The following GRB14 variants were observed in gnomAD, a reference collection of about 807,000 sequenced individuals.
GRB14 encodes growth factor receptor bound protein 14.
GRB14 carries 38 observed loss-of-function variants against 69.1 expected under a neutral mutation model. The ratio of observed to expected loss-of-function variants is 0.55; its 90% CI spans 0.42 to 0.72. The LOEUF (loss-of-function observed/expected upper bound fraction) is 0.72. Among genes scored for constraint, GRB14 ranks in the 30% least tolerant of loss-of-function variants. The probability of loss-of-function intolerance (pLI) is 0.00; values close to 1 mark genes in which losing one functional copy is unlikely to be tolerated. For synonymous variants in GRB14, 247 were observed against 241.3 expected, an observed-to-expected ratio of 1.02 and a Z score of -0.22; for missense variants, 666 against 666.1, an observed-to-expected ratio of 1.00 and a Z score of 0.00.
chr2:164,577,929 G>A (rs932771466), intron 2 of GRB14, among the ~76,000 whole-genome samples: 1 of 152,164 alleles, frequency 6.6e-6, no homozygotes, highest in Non-Finnish European at 1.5e-5. Flanking sequence ...TATGTTAGAA[G>A]AAATAACTCA....
chr2:164,558,375 A>T (rs1688734260), intron 2 of GRB14, among the ~76,000 whole-genome samples: 1 of 152,258 alleles, frequency 6.6e-6, no homozygotes, highest in South Asian at 2.1e-4. Context: ...TATAAAAGAA[A>T]GCAAACATTA....
chr2:164,591,453 G>A (rs1187456879), intron 2 of GRB14, among the ~76,000 whole-genome samples: 1 of 152,096 alleles, frequency 6.6e-6, no homozygotes, highest in African/African-American at 2.4e-5. Flanking sequence ...TCAGGCCCAG[G>A]GTGCCTTAAT....
chr2:164,543,593 A>G (rs994682147), intron 3 of GRB14, among the ~76,000 whole-genome samples: 7 of 152,218 alleles, frequency 4.6e-5, no homozygotes, highest in Non-Finnish European at 1.0e-4. Context: ...GTTCTGGAAA[A>G]TAGTTCATCC....
intron 2 of GRB14, among the ~76,000 whole-genome samples, chr2:164,549,360 T>C (rs1688467103): frequency 6.6e-6 from 1 of 152,236 alleles, no homozygotes; most frequent in African/African-American, 2.4e-5. Flanking sequence ...TCAGCAAAGA[T>C]TAATCAGTTA....
At chr2:164,610,273 C>G (rs1049300492) in intron 2 of GRB14, among the ~76,000 whole-genome samples, 1 of 152,156 alleles carries the variant, frequency 6.6e-6, no homozygotes, top group Admixed American at 6.5e-5. Context: ...ATACTATAAA[C>G]CTAACTAATA....
intron 6 of GRB14, among the ~76,000 whole-genome samples, chr2:164,519,174 T>C (rs1687570075): frequency 6.6e-6 from 1 of 152,150 alleles, no homozygotes; most frequent in African/African-American, 2.4e-5. Context: ...TAATCCACCA[T>C]GATCAAGTGG....
intron 12 of GRB14, among the ~76,000 whole-genome samples, chr2:164,494,755 T>A (rs1686847824): frequency 6.6e-6 from 1 of 152,148 alleles, no homozygotes; most frequent in Non-Finnish European, 1.5e-5. Flanking sequence ...ACACAACCCA[T>A]TAGTCAGATT....
intron 2 of GRB14, among the ~76,000 whole-genome samples, chr2:164,567,015 G>T (rs1688992477): frequency 6.6e-6 from 1 of 152,028 alleles, no homozygotes; most frequent in African/African-American, 2.4e-5. Flanking sequence ...ATATTAACCG[G>T]ATAAAGAAGA....
At chr2:164,578,496 A>C (rs1689308429) in intron 2 of GRB14, among the ~76,000 whole-genome samples, 1 of 149,990 alleles carries the variant, frequency 6.7e-6, no homozygotes, top group Admixed American at 6.8e-5. Flanking sequence ...ATGAACAAAA[A>C]AAAGGAACGA....
chr2:164,603,587 C>T (rs1261214382), intron 2 of GRB14, among the ~76,000 whole-genome samples: 2 of 151,538 alleles, frequency 1.3e-5, no homozygotes, highest in Non-Finnish European at 2.9e-5. Context: ...TCACTTGAAC[C>T]TGGAGGCAGA....
intron 6 of GRB14, among the ~76,000 whole-genome samples, chr2:164,517,056 T>C (rs979601104): frequency 7.2e-5 from 11 of 152,080 alleles, no homozygotes; most frequent in African/African-American, 2.4e-4. Flanking sequence ...GATAAAGATA[T>C]ACTTTATCAG....
intron 2 of GRB14, among the ~76,000 whole-genome samples, chr2:164,554,330 G>C (rs1298936849): frequency 6.6e-6 from 1 of 152,104 alleles, no homozygotes; most frequent in Non-Finnish European, 1.5e-5. Flanking sequence ...CAAATTCATA[G>C]CTTGCTTTAG....
intron 3 of GRB14, among the ~76,000 whole-genome samples, chr2:164,538,686 T>C (rs1487978870): frequency 6.6e-6 from 1 of 152,190 alleles, no homozygotes; most frequent in African/African-American, 2.4e-5. Flanking sequence ...TCAGCAGCCA[T>C]ATATTAATAA....
intron 2 of GRB14, among the ~76,000 whole-genome samples, chr2:164,551,426 A>C (rs1688535103): frequency 1.3e-5 from 2 of 152,158 alleles, no homozygotes; most frequent in South Asian, 4.1e-4. Flanking sequence ...GAATGTTTGT[A>C]CCCTCCAAAA....
intron 6 of GRB14, among the ~76,000 whole-genome samples, chr2:164,509,529 AG>A (rs1021274541): frequency 6.6e-6 from 1 of 152,200 alleles, no homozygotes; most frequent in Admixed American, 6.5e-5. Flanking sequence ...GGAAATCACT[AG>A]GTCATATTAT....
At chr2:164,555,880 G>A (rs912701679) in intron 2 of GRB14, among the ~76,000 whole-genome samples, 8 of 151,626 alleles carry the variant, frequency 5.3e-5, no homozygotes, top group African/African-American at 1.7e-4. Context: ...TCTAACCACA[G>A]TAAAATTATA....
At chr2:164,593,171 A>G (rs928643743) in intron 2 of GRB14, among the ~76,000 whole-genome samples, 15 of 152,226 alleles carry the variant, frequency 9.9e-5, no homozygotes, top group African/African-American at 3.6e-4. Context: ...GGGGATGTAT[A>G]AAAGACATTA....
chr2:164,497,416 A>G lies in GRB14; in HGVS notation c.1179T>C (p.Thr393=). ...GQKSRVIENP[T]EALSVAVEEG... ...CTTCAACCGCAACTGAAAGGGCTTC[A>G]GTGGGATTTTCTATAACTCTGCTTT... The change falls in exon 10 of 14, where the codon ACT becomes ACC. Residue 393 remains threonine (T), a synonymous_variant. Coordinates refer to ENST00000263915, the MANE Select transcript of GRB14 (RefSeq NM_004490.3). The G allele has an allele frequency of 1.2e-6, 2 of 1,613,836 alleles. No homozygotes were observed. The highest frequency in any genetic ancestry group is 1.7e-6 in the Non-Finnish European group (2 of 1,179,778).
chr2:164,568,257 CAG>C (rs779720564), intron 2 of GRB14: 108 of 1,076,634 alleles, frequency 1.0e-4, no homozygotes, highest in Non-Finnish European at 1.2e-4. Flanking sequence ...CACACAGTAA[CAG>C]GGGAAAAAAA....
Sources: allele counts gnomAD v4.1 joint callset (sites outside exome capture counted in the v4.1 genomes callset), GRCh38; gene constraint gnomAD v4.1.1; transcripts MANE v1.5; gene names NCBI Gene and HGNC (gene_info 2026-07-23, HGNC 2026-07-21).